NAV1: variants seen among roughly 807,000 people sequenced by gnomAD.
NAV1 encodes the protein neuron navigator 1.
In NAV1, 18 loss-of-function variants were observed where a neutral mutation model predicts 175.2. That is an observed-to-expected ratio of 0.10 (90% CI 0.07 to 0.15). The LOEUF is 0.15. Among genes scored for constraint, NAV1 ranks in the 10% least tolerant of loss-of-function variants. The pLI, the probability that NAV1 is intolerant of heterozygous loss-of-function variation, is 1.00. For synonymous variants in NAV1, 897 were observed against 978.7 expected (o/e 0.92, Z 1.56); for missense variants, 1,731 against 2,436.6 (o/e 0.71, Z 6.10).
intron 2 of NAV1, among the ~76,000 whole-genome samples, chr1:201,603,805 G>A (rs1292689878): frequency 6.6e-6 from 1 of 152,226 alleles, no homozygotes; most frequent in Non-Finnish European, 1.5e-5. Context: ...CTCATAGAGA[G>A]TAGGTGCATT....
At chr1:201,775,582 G>C (rs908699020) in intron 3 of NAV1, among the ~76,000 whole-genome samples, 1 of 151,984 alleles carries the variant, frequency 6.6e-6, no homozygotes, top group Non-Finnish European at 1.5e-5. Context: ...ATAACACGAA[G>C]TCCCGCCAGT....
At chr1:201,615,457 G>T (rs1295961820) in intron 2 of NAV1, among the ~76,000 whole-genome samples, 2 of 151,976 alleles carry the variant, frequency 1.3e-5, no homozygotes, top group Admixed American at 1.3e-4. Context: ...TAGAGATGGG[G>T]TTTCACCATC....
rs1001663622 is a variant in NAV1 at position 201,739,917 on chromosome 1, C to A, written c.1226+21162C>A. On this transcript the variant is annotated intron_variant, in intron 3 of 29. Transcript: ENST00000367296. ...CGAGGGTTAGGTTTCCGACCCTCCG[C>A]GTGGCCCACAGCTCATACCTTTTCG... 1.5e-5 allele frequency: 20 copies of A among 1,302,578 alleles called. No individual in the cohort carries two copies. The Admixed American group carries it at 7.4e-4, about 48-fold the overall frequency. The allele number at this position is 1,302,578 out of a possible 1,614,324, so 80.7% of individuals were successfully genotyped here. A position where few individuals can be genotyped will look rare whatever the true frequency, so the allele number is the denominator to read the frequency against.
upstream of NAV1, among the ~76,000 whole-genome samples, chr1:201,618,609 G>A (rs1181969024): frequency 3.9e-5 from 6 of 152,052 alleles, no homozygotes; most frequent in East Asian, 3.9e-4. Flanking sequence ...TGCTCTCGGC[G>A]GGTGTGGCCA....
intron 1 of NAV1, among the ~76,000 whole-genome samples, chr1:201,663,686 A>G (rs537376651): frequency 1.6e-4 from 25 of 152,192 alleles, no homozygotes; most frequent in African/African-American, 5.8e-4. Context: ...CTCTTCTCTC[A>G]TGGGGGAACA....
intron 1 of NAV1, among the ~76,000 whole-genome samples, chr1:201,700,702 T>C (rs1026799334): frequency 6.6e-6 from 1 of 152,194 alleles, no homozygotes; most frequent in African/African-American, 2.4e-5. Context: ...CCATCAATGA[T>C]AGACTGGATT....
intron 1 of NAV1, among the ~76,000 whole-genome samples, chr1:201,541,901 T>C (rs945147003): frequency 1.3e-5 from 2 of 152,250 alleles, no homozygotes; most frequent in Non-Finnish European, 2.9e-5. Context: ...AAAAATCTCC[T>C]ATCCATCTTT....
chr1:201,790,512 TC>T (rs764696923), intron 11 of NAV1, 41 bp from the exon 16 acceptor site: 1 of 1,612,700 alleles, frequency 6.2e-7, no homozygotes, highest in Non-Finnish European at 8.5e-7. Flanking sequence ...AGTAACTACT[TC>T]CTTTCTCTCT....
intron 1 of NAV1, among the ~76,000 whole-genome samples, chr1:201,577,086 C>G (rs1160723309): frequency 6.6e-6 from 1 of 152,156 alleles, no homozygotes; most frequent in African/African-American, 2.4e-5. Flanking sequence ...CTCCTGGCCT[C>G]AAGCAATCCT....
At chr1:201,665,879 C>T (rs1036923300) in intron 1 of NAV1, among the ~76,000 whole-genome samples, 6 of 151,978 alleles carry the variant, frequency 3.9e-5, no homozygotes, top group East Asian at 1.9e-4. Flanking sequence ...AAAAGCCATT[C>T]CATCTGCCTC....
At chr1:201,617,214 C>G (rs1253954168) in intron 2 of NAV1, among the ~76,000 whole-genome samples, 1 of 90,168 alleles carries the variant, frequency 1.1e-5, no homozygotes, top group Admixed American at 1.2e-4. Flanking sequence ...CTGTCTCTCT[C>G]TCTCTCTCTC....
chr1:201,751,659 AGTAGAACATCTGCCTTTCAAAAATGTTTG>A (rs1674115541), intron 3 of NAV1, among the ~76,000 whole-genome samples: 1 of 152,218 alleles, frequency 6.6e-6, no homozygotes, highest in Non-Finnish European at 1.5e-5. Flanking sequence ...GTAAAAACTG[AGTAGAACATCTGCCTTTCAAAAATGTTTG>A]GTAAAGCTGG....
intron 3 of NAV1, among the ~76,000 whole-genome samples, chr1:201,751,903 A>C (rs564218732): frequency 6.6e-6 from 1 of 152,206 alleles, no homozygotes; most frequent in Non-Finnish European, 1.5e-5. Context: ...AAGAATTAAG[A>C]TTCCTTTTTC....
chr1:201,665,596 C>CA (rs1275241028), intron 1 of NAV1, among the ~76,000 whole-genome samples: 1 of 69,728 alleles, frequency 1.4e-5, no homozygotes, highest in African/African-American at 6.2e-5. Flanking sequence ...CCCCACCCCC[C>CA]CCACTGCCCA....
At chr1:201,728,318 G>A (rs888723330) in intron 3 of NAV1, among the ~76,000 whole-genome samples, 3 of 152,000 alleles carry the variant, frequency 2.0e-5, no homozygotes, top group Non-Finnish European at 4.4e-5. Flanking sequence ...AAGTCCAGGC[G>A]CAGTGGCTCA....
intron 2 of NAV1, among the ~76,000 whole-genome samples, chr1:201,595,946 T>C (rs1229344401): frequency 2.0e-5 from 3 of 152,382 alleles, no homozygotes; most frequent in South Asian, 2.1e-4. Context: ...TCTTCAGTTA[T>C]GTGCATCACT....
At chr1:201,572,382 T>C (rs1666571394) in intron 1 of NAV1, among the ~76,000 whole-genome samples, 1 of 150,820 alleles carries the variant, frequency 6.6e-6, no homozygotes, top group Non-Finnish European at 1.5e-5. Context: ...TTTTTTTTTT[T>C]TTTTGAGACA....
chr1:201,790,478 G>C, intron 11 of NAV1, 76 bp from the exon 16 acceptor site: 4 of 1,532,006 alleles, frequency 2.6e-6, no homozygotes, highest in Non-Finnish European at 3.6e-6. Context: ...CCCTGCCACT[G>C]GGACCTGACT....
At chr1:201,581,293 G>T (rs1666851445) in intron 1 of NAV1, among the ~76,000 whole-genome samples, 1 of 152,176 alleles carries the variant, frequency 6.6e-6, no homozygotes, top group South Asian at 2.1e-4. Context: ...TAGGAGACAA[G>T]ATTCACAGGT....
Sources: allele counts gnomAD v4.1 joint callset (sites outside exome capture counted in the v4.1 genomes callset), GRCh38; gene constraint gnomAD v4.1.1; transcripts MANE v1.5; gene names NCBI Gene and HGNC (gene_info 2026-07-23, HGNC 2026-07-21).